PTPRD: variants seen among roughly 807,000 people sequenced by gnomAD.
PTPRD encodes the protein receptor-type tyrosine-protein phosphatase delta.
Under a neutral mutation model 214.5 loss-of-function variants are expected in PTPRD, and 34 were observed. The ratio of observed to expected loss-of-function variants is 0.16; its 90% CI spans 0.12 to 0.21. PTPRD has a LOEUF of 0.21. Ranked by LOEUF, PTPRD falls within the 10% of genes least tolerant of loss-of-function variation. PTPRD has a pLI of 1.00. For missense variants in PTPRD, 2,545 were observed against 2,398.7 expected (o/e 1.06, Z -1.27); for synonymous variants, 1,128 against 845.7 (o/e 1.33, Z -5.79).
chr9:9,570,644 TA>T (rs1185477409), intron 8 of PTPRD, among the ~76,000 whole-genome samples: 1 of 151,642 alleles, frequency 6.6e-6, no homozygotes, highest in Non-Finnish European at 1.5e-5. Flanking sequence ...TCAAGACAGC[TA>T]TTTGTGTTTT....
chr9:9,609,207 C>T (rs974016154), intron 7 of PTPRD, among the ~76,000 whole-genome samples: 2 of 151,724 alleles, frequency 1.3e-5, no homozygotes, highest in African/African-American at 4.8e-5. Flanking sequence ...TTTTAAAAGC[C>T]CAATATTTAA....
intron 5 of PTPRD, among the ~76,000 whole-genome samples, chr9:9,912,144 C>G (rs1188852222): frequency 6.6e-6 from 1 of 151,948 alleles, no homozygotes; most frequent in Non-Finnish European, 1.5e-5. Context: ...AAATTTCTGT[C>G]AAGTATATTT....
intron 5 of PTPRD, among the ~76,000 whole-genome samples, chr9:9,824,293 C>G (rs1336683388): frequency 1.3e-5 from 2 of 151,932 alleles, no homozygotes; most frequent in African/African-American, 2.4e-5. Context: ...TGTACTATTT[C>G]TACTTTCTTC....
chr9:10,038,951 C>T (rs2097244881), intron 3 of PTPRD, among the ~76,000 whole-genome samples: 2 of 152,080 alleles, frequency 1.3e-5, no homozygotes, highest in African/African-American at 4.8e-5. Flanking sequence ...TAATCTCTGA[C>T]CTTGATTCCA....
intron 31 of PTPRD, among the ~76,000 whole-genome samples, chr9:8,470,448 A>T (rs543674116): frequency 6.6e-6 from 1 of 152,216 alleles, no homozygotes; most frequent in East Asian, 1.9e-4. Context: ...CTTTGCTCAC[A>T]ATTTTGTCAT....
At chr9:8,325,912 T>C (rs189495095) in intron 44 of PTPRD, among the ~76,000 whole-genome samples, 13 of 152,308 alleles carry the variant, frequency 8.5e-5, no homozygotes, top group Admixed American at 7.2e-4. Context: ...TTTTTGCACA[T>C]TGATTTTGTA....
intron 13 of PTPRD, 64 bp downstream of exon 13, chr9:8,636,635 G>C (rs79984675): frequency 1.3e-6 from 2 of 1,572,266 alleles, no homozygotes; most frequent in Admixed American, 3.4e-5. Flanking sequence ...AGCAAGTAAC[G>C]TAGAAACCAA....
chr9:8,330,537 G>GATTAAACATCC (rs1839205824), intron 44 of PTPRD, among the ~76,000 whole-genome samples: 2 of 148,112 alleles, frequency 1.4e-5, no homozygotes, highest in Admixed American at 6.7e-5. Context: ...TCTTTGGTTG[G>GATTAAACATCC]TTTGCAAAGG....
chr9:9,652,467 C>A (rs1262638342), intron 7 of PTPRD, among the ~76,000 whole-genome samples: 3 of 152,186 alleles, frequency 2.0e-5, no homozygotes, highest in African/African-American at 7.2e-5. Flanking sequence ...ATATCACCAA[C>A]ATGGTTGCAG....
chr9:9,971,379 G>T (rs1016285965), intron 4 of PTPRD, among the ~76,000 whole-genome samples: 39 of 152,118 alleles, frequency 2.6e-4, no homozygotes, highest in African/African-American at 8.9e-4. Context: ...CAACTTAGAT[G>T]TCCCTGAGTT....
intron 11 of PTPRD, among the ~76,000 whole-genome samples, chr9:8,769,529 C>A (rs1181707937): frequency 6.6e-6 from 1 of 152,100 alleles, no homozygotes; most frequent in East Asian, 1.9e-4. Flanking sequence ...CTTCTTCTTG[C>A]AAGTAGTGGA....
chr9:9,845,336 A>G (rs1599568519), intron 5 of PTPRD, among the ~76,000 whole-genome samples: 1 of 150,746 alleles, frequency 6.6e-6, no homozygotes, highest in East Asian at 1.9e-4. Flanking sequence ...ATCTGACATA[A>G]CTTGAATGAT....
intron 35 of PTPRD, among the ~76,000 whole-genome samples, chr9:8,416,379 T>C (rs914568242): frequency 6.6e-6 from 1 of 152,232 alleles, no homozygotes; most frequent in Non-Finnish European, 1.5e-5. Context: ...CTGTGATAAA[T>C]GACAATTATT....
chr9:8,470,929 G>A lies in PTPRD; in HGVS notation c.3504+66C>T, dbSNP rs551551177. 6.3e-6 allele frequency: 9 copies of A among 1,421,480 alleles called. No homozygotes were observed. The East Asian group carries it at 2.1e-4, about 33-fold the overall frequency. 88.1% of individuals were successfully genotyped at this position (1,421,480 alleles called of 1,614,324 possible). On this transcript the variant is annotated intron_variant, in intron 31 of 45. Transcript: ENST00000381196. Reference sequence around the variant, plus strand: ...ATTAGATCCTGAAAGGCCTCCAAGGGAGGGGGGCGGAAATGCAGCAGATTA... The same window carrying A: ...ATTAGATCCTGAAAGGCCTCCAAGGAAGGGGGGCGGAAATGCAGCAGATTA...
intron 36 of PTPRD, among the ~76,000 whole-genome samples, chr9:8,397,110 T>G (rs2091374947): frequency 6.6e-6 from 1 of 151,976 alleles, no homozygotes; most frequent in African/African-American, 2.4e-5. Context: ...TTGGACAGGA[T>G]TTATTGTTTT....
chr9:8,663,702 G>A (rs1045610519), intron 12 of PTPRD, among the ~76,000 whole-genome samples: 3 of 151,978 alleles, frequency 2.0e-5, no homozygotes, highest in Non-Finnish European at 4.4e-5. Context: ...TGTTGGTCAG[G>A]CTGGTCTCCA....
intron 10 of PTPRD, among the ~76,000 whole-genome samples, chr9:9,035,356 A>T (rs1020541527): frequency 6.6e-6 from 1 of 152,122 alleles, no homozygotes; most frequent in South Asian, 2.1e-4. Context: ...CTTTCTAGAC[A>T]GTAAATAAGC....
chr9:8,980,234 G>A (rs1458298606), intron 11 of PTPRD, among the ~76,000 whole-genome samples: 1 of 151,966 alleles, frequency 6.6e-6, no homozygotes, highest in Non-Finnish European at 1.5e-5. Flanking sequence ...CAGTGGGGGT[G>A]GGGGCGAGGA....
chr9:8,800,477 G>A (rs974607832), intron 11 of PTPRD, among the ~76,000 whole-genome samples: 5 of 152,114 alleles, frequency 3.3e-5, no homozygotes, highest in African/African-American at 7.2e-5. Flanking sequence ...AGAAGCCAGC[G>A]AAATCCCACC....
Sources: allele counts gnomAD v4.1 joint callset (sites outside exome capture counted in the v4.1 genomes callset), GRCh38; gene constraint gnomAD v4.1.1; transcripts MANE v1.5; gene names NCBI Gene and HGNC (gene_info 2026-07-23, HGNC 2026-07-21).